The following ODF2 variants were observed in gnomAD, a reference collection of about 807,000 sequenced individuals.
ODF2 encodes the protein outer dense fiber protein 2.
A neutral mutation model predicts 110.2 loss-of-function variants in ODF2; 47 were observed. The ratio of observed to expected loss-of-function variants is 0.43; its 90% CI spans 0.34 to 0.54. The LOEUF (loss-of-function observed/expected upper bound fraction) is 0.54. ODF2 is among the 20% of genes least tolerant of loss of function. The probability of loss-of-function intolerance (pLI) is 0.03; values close to 1 mark genes in which losing one functional copy is unlikely to be tolerated. For synonymous variants in ODF2, 352 were observed against 397.7 expected (o/e 0.89, Z 1.37); for missense variants, 812 against 1,054.5 (o/e 0.77, Z 3.19).
Position 128,457,126 on chromosome 9 carries a change from C to A in ODF2, c.-208-72C>A, listed in dbSNP as rs371074369. ...GGTGGTCCTTTCCCTCGCGGTTCTG[C>A]CCCGTCCCCTCCCCTTCCTCCCCTC... On this transcript the variant is annotated intron_variant, in intron 1 of 20. Coordinates refer to ENST00000604420, the Ensembl canonical transcript of ODF2. 1,353 of 1,434,358 alleles carry A rather than the reference C, an allele frequency of 9.4e-4. 9 individuals are homozygous for A. In the African/African-American group the frequency reaches 0.017, roughly 18 times the overall value. The allele number at this position is 1,434,358 out of a possible 1,614,324, so 88.9% of individuals were successfully genotyped here. A position where few individuals can be genotyped will look rare whatever the true frequency, so the allele number is the denominator to read the frequency against.
intron 4 of ODF2, among the ~76,000 whole-genome samples, chr9:128,462,238 G>A (rs995308914): frequency 6.6e-5 from 10 of 151,062 alleles, no homozygotes; most frequent in East Asian, 3.9e-4. Flanking sequence ...CACAACCTCC[G>A]CCTCCTGGGT....
exon 18 of ODF2, chr9:128,496,113 C>G: frequency 6.2e-7 from 1 of 1,613,936 alleles, no homozygotes; most frequent in Non-Finnish European, 8.5e-7. Flanking sequence ...AAATAAACAG[C>G]TGAGTCTGAA....
rs149462867 is a variant in ODF2 at position 128,489,936 on chromosome 9, G to A, written c.1536+1911G>A. Among the ~76,000 whole-genome samples, 218 of 152,346 alleles carry A rather than the reference G, an allele frequency of 1.4e-3. 2 individuals carry two copies. Among genetic ancestry groups the A allele is most frequent in the Non-Finnish European group, 2.6e-3 (178 of 68,036 alleles). On this transcript the variant is annotated intron_variant, in intron 14 of 20. Transcript: ENST00000604420. ...CTCCTTGCCTCCTTGGCAACGCTTGGTAGCTTGGTATTGAGTGTCTTATTT... is the reference window on the plus strand; with the variant it reads ...CTCCTTGCCTCCTTGGCAACGCTTGATAGCTTGGTATTGAGTGTCTTATTT...
chr9:128,460,310 C>T (rs1331814288), intron 3 of ODF2: 2 of 1,410,034 alleles, frequency 1.4e-6, no homozygotes, highest in African/African-American at 1.4e-5. Flanking sequence ...GTGGGTCTTG[C>T]AGACCCTCTC....
chr9:128,456,768 T>TGCCCCCCCCCCCCCCC, intron 1 of ODF2: 1 of 832,092 alleles, frequency 1.2e-6, no homozygotes, highest in Non-Finnish European at 1.4e-6. Context: ...CGGGGGGGGG[T>TGCCCCCCCCCCCCCCC]CCCGCCCGCC....
intron 14 of ODF2, among the ~76,000 whole-genome samples, chr9:128,490,967 G>A (rs559657853): frequency 4.6e-5 from 7 of 152,068 alleles, no homozygotes; most frequent in Admixed American, 1.3e-4. Context: ...TGCATTATAA[G>A]TTGAGAGGAC....
At chr9:128,475,146 A>ATT (rs1452649387) in intron 8 of ODF2, among the ~76,000 whole-genome samples, 4 of 152,124 alleles carry the variant, frequency 2.6e-5, no homozygotes, top group Non-Finnish European at 2.9e-5. Flanking sequence ...TATAACAACT[A>ATT]TTTACATAGC....
exon 1 of ODF2, chr9:128,456,250 C>G (rs1045647393): frequency 3.9e-6 from 6 of 1,539,102 alleles, no homozygotes; most frequent in Admixed American, 4.0e-5. Context: ...AGCCGTGTCG[C>G]TCCTGGTGAG....
chr9:128,457,146 C>G, intron 1 of ODF2: 3 of 1,455,724 alleles, frequency 2.1e-6, no homozygotes, highest in Non-Finnish European at 2.7e-6. Flanking sequence ...TCCCCTTCCT[C>G]CCCTCTGCCC....
At chr9:128,474,175 A>G (rs1840712967) in intron 8 of ODF2, among the ~76,000 whole-genome samples, 1 of 152,118 alleles carries the variant, frequency 6.6e-6, no homozygotes, top group Non-Finnish European at 1.5e-5. Context: ...CCTGGCCAAC[A>G]TAGTGAAACT....
At chr9:128,486,479 T>C (rs1361388835) in intron 13 of ODF2, among the ~76,000 whole-genome samples, 3 of 152,232 alleles carry the variant, frequency 2.0e-5, no homozygotes, top group Non-Finnish European at 4.4e-5. Context: ...ATATGTTTGC[T>C]TGGGCCTAGT....
At chr9:128,470,531 A>G (rs1046112376) in intron 5 of ODF2, among the ~76,000 whole-genome samples, 3 of 151,686 alleles carry the variant, frequency 2.0e-5, no homozygotes, top group African/African-American at 4.8e-5. Context: ...GCTGAGGCAG[A>G]AGAATCACTT....
intron 1 of ODF2, 92 bp downstream of exon 1, chr9:128,456,347 G>C (rs1834771190): frequency 7.0e-7 from 1 of 1,437,052 alleles, no homozygotes; most frequent in Non-Finnish European, 9.1e-7. Context: ...TCGACCCCGC[G>C]GGGCCGTCGG....
intron 4 of ODF2, among the ~76,000 whole-genome samples, chr9:128,468,062 A>ATTGTACC (rs2131655778): frequency 6.6e-6 from 1 of 152,218 alleles, no homozygotes; most frequent in African/African-American, 2.4e-5. Flanking sequence ...CTTTCCAGGT[A>ATTGTACC]TTGTACCATG....
chr9:128,470,107 C>T (rs1839603243), intron 5 of ODF2, among the ~76,000 whole-genome samples: 1 of 139,522 alleles, frequency 7.2e-6, no homozygotes, highest in African/African-American at 2.6e-5. Flanking sequence ...TCCTCAGTTG[C>T]CGTGCTCTCT....
chr9:128,475,454 T>G (rs1214215071), intron 8 of ODF2, among the ~76,000 whole-genome samples: 1 of 152,236 alleles, frequency 6.6e-6, no homozygotes, highest in Non-Finnish European at 1.5e-5. Flanking sequence ...CCTCACATAC[T>G]AAGATATTTG....
chr9:128,490,492 C>T (rs755984878), intron 14 of ODF2, among the ~76,000 whole-genome samples: 8 of 152,052 alleles, frequency 5.3e-5, no homozygotes, highest in Non-Finnish European at 7.4e-5. Flanking sequence ...ACCACGTTGG[C>T]CAGGCTGGTC....
chr9:128,491,425 A>C (rs1844520249), intron 14 of ODF2, among the ~76,000 whole-genome samples: 1 of 150,892 alleles, frequency 6.6e-6, no homozygotes, highest in Non-Finnish European at 1.5e-5. Context: ...TGGGAGGCCG[A>C]GGTGGGCGGA....
intron 18 of ODF2, among the ~76,000 whole-genome samples, chr9:128,496,886 C>G (rs1316116665): frequency 6.6e-6 from 1 of 152,100 alleles, no homozygotes; most frequent in African/African-American, 2.4e-5. Context: ...TGCCACCATG[C>G]CTGGCTAATT....
Sources: gnomAD v4.1 joint callset for allele counts (sites outside exome capture counted in the v4.1 genomes callset) on GRCh38, gnomAD v4.1.1 for gene constraint, MANE v1.5 for transcripts, NCBI Gene and HGNC (gene_info 2026-07-23, HGNC 2026-07-21) for gene names.